The following COMT variants were observed in gnomAD, a reference collection of about 807,000 sequenced individuals.
COMT encodes catechol O-methyltransferase.
Under a neutral mutation model 18.9 loss-of-function variants are expected in COMT, and 13 were observed. The ratio of observed to expected loss-of-function variants is 0.69; its 90% CI spans 0.45 to 1.09. COMT has a LOEUF of 1.09. Ranked by LOEUF, COMT falls within the 50% of genes least tolerant of loss-of-function variation. COMT has a pLI of 0.00. For synonymous variants in COMT, 150 were observed against 160.9 expected (o/e 0.93, Z 0.51); for missense variants, 329 against 361.8 (o/e 0.91, Z 0.73).
At chr22:19,966,595 TACA>T (rs1053379844) in intron 5 of COMT, among the ~76,000 whole-genome samples, 31 of 147,612 alleles carry the variant, frequency 2.1e-4, no homozygotes, top group African/African-American at 8.3e-4. Context: ...CATGCACCAC[TACA>T]CCTGGCTAAT....
In COMT at chr22:19,960,701, C is replaced by T. The variant is rs1308923608; in HGVS notation, c.-91-498C>T. Among the ~76,000 whole-genome samples, 5 of 152,272 alleles carry T rather than the reference C, an allele frequency of 3.3e-5. No homozygotes were observed. In the East Asian group the frequency reaches 7.7e-4, roughly 23 times the overall value. ...CACTGAGCCCTGCACCGGGTTCCAT[C>T]ACCTGCTCGGGGCTCTGGCCTTTGG... On this transcript the variant is annotated intron_variant, in intron 1 of 5. Transcript: ENST00000361682.
chr22:19,952,595 C>T (rs1242101589), intron 1 of COMT, among the ~76,000 whole-genome samples: 1 of 151,298 alleles, frequency 6.6e-6, no homozygotes, highest in East Asian at 1.9e-4. Context: ...GCCGAGATTG[C>T]GCCACTGCAC....
intron 2 of COMT, 83 bp from the exon 3 acceptor site, chr22:19,962,444 A>ATGG: frequency 1.3e-6 from 2 of 1,539,336 alleles, no homozygotes; most frequent in Non-Finnish European, 1.7e-6. Context: ...CAAGGGGGCG[A>ATGG]TGGTGGCACT....
At position 19,941,880 on chromosome 22, in the gene COMT, C is replaced by A. The variant is rs1941736264; in HGVS notation, c.-109C>A. 1 of 1,365,300 alleles carries A rather than the reference C, an allele frequency of 7.3e-7. No homozygotes were observed. Among genetic ancestry groups the A allele is most frequent in the African/African-American group, 1.5e-5 (1 of 65,136 alleles). 84.6% of individuals were successfully genotyped at this position (1,365,300 alleles called of 1,614,324 possible). On this transcript the variant is annotated 5_prime_UTR_variant, in exon 1 of 6. Transcript: ENST00000361682. Reference sequence around the variant, plus strand: ...GGACCGGGGCGGGTCCAGTCCCGGGCGGGCCGTCGCGGGAGAGGTGAGAGC... The same window carrying A: ...GGACCGGGGCGGGTCCAGTCCCGGGAGGGCCGTCGCGGGAGAGGTGAGAGC...
chr22:19,942,957 G>T (rs1278091218), intron 1 of COMT, among the ~76,000 whole-genome samples: 1 of 152,232 alleles, frequency 6.6e-6, no homozygotes, highest in Admixed American at 6.5e-5. Flanking sequence ...GGAGACAGGG[G>T]CCCCATCCTC....
intron 1 of COMT, among the ~76,000 whole-genome samples, chr22:19,945,925 A>G (rs776853483): frequency 2.7e-4 from 41 of 152,214 alleles, no homozygotes; most frequent in Admixed American, 1.2e-3. Context: ...TCGGCCTCCC[A>G]AAGTACTGGG....
In COMT at chr22:19,962,673, G is replaced by A; in HGVS notation, c.147G>A (p.Leu49=). 6.2e-7 allele frequency: 1 copy of A among 1,613,188 alleles called. No homozygotes were observed. Among genetic ancestry groups the A allele is most frequent in the Non-Finnish European group, 8.5e-7 (1 of 1,179,864 alleles). The change falls in exon 3 of 6, where the codon CTG becomes CTA. Residue 49 remains leucine, a synonymous_variant. Transcript: ENST00000361682. ...TCATCCTGCAGCCCATCCACAACCT[G>A]CTCATGGGTGACACCAAGGAGCAGC... is the stretch of plus-strand genomic sequence containing the variant. ...NEFILQPIHN[L]LMGDTKEQRI...
In COMT at chr22:19,964,342, G is replaced by A. The variant is rs774500122; in HGVS notation, c.615+43G>A. 5 of 1,613,414 alleles carry A rather than the reference G, an allele frequency of 3.1e-6. No homozygotes were observed. In the South Asian group the frequency reaches 4.4e-5, roughly 14 times the overall value. The stretch of plus-strand genomic sequence containing the variant: ...TGGCATCCGTGCCAGCTGCTGCCCA[G>A]AGCCCATTCAGTCAGCCTCAGCCTC... On this transcript the variant is annotated intron_variant, in intron 5 of 5. Coordinates refer to ENST00000361682, the MANE Select transcript of COMT (RefSeq NM_000754.4).
intron 1 of COMT, among the ~76,000 whole-genome samples, chr22:19,942,513 A>T (rs1033152796): frequency 2.0e-5 from 3 of 152,030 alleles, no homozygotes; most frequent in African/African-American, 7.2e-5. Flanking sequence ...GGTGTGCAGG[A>T]CCACGTGGGA....
chr22:19,963,827 C>T (rs1942266104), intron 4 of COMT, 68 bp downstream of exon 4: 1 of 1,516,400 alleles, frequency 6.6e-7, no homozygotes, highest in South Asian at 1.2e-5. Context: ...GGCATGCGCA[C>T]TTTGTCCTCC....
intron 1 of COMT, among the ~76,000 whole-genome samples, chr22:19,949,676 C>T (rs1333239057): frequency 1.3e-5 from 2 of 152,060 alleles, no homozygotes; most frequent in Non-Finnish European, 2.9e-5. Context: ...GGACTCACTG[C>T]ACCCTTGAAC....
intron 1 of COMT, among the ~76,000 whole-genome samples, chr22:19,949,079 T>C (rs1439680591): frequency 6.6e-6 from 1 of 152,182 alleles, no homozygotes; most frequent in Non-Finnish European, 1.5e-5. Flanking sequence ...CAGACTTTCT[T>C]GAGGCCAGGA....
At chr22:19,959,384 G>C (rs1379354487) in intron 1 of COMT, among the ~76,000 whole-genome samples, 1 of 152,256 alleles carries the variant, frequency 6.6e-6, no homozygotes, top group African/African-American at 2.4e-5. Context: ...AGGTGGGCGT[G>C]ATCCCACCCT....
Position 19,941,884 on chromosome 22 carries a change from C to A in COMT, c.-105C>A. The stretch of plus-strand genomic sequence containing the variant: ...CGGGGCGGGTCCAGTCCCGGGCGGG[C>A]CGTCGCGGGAGAGGTGAGAGCGCTG... On this transcript the variant is annotated 5_prime_UTR_variant, in exon 1 of 6. Coordinates refer to ENST00000361682, the MANE Select transcript of COMT (RefSeq NM_000754.4). 7.3e-7 allele frequency: 1 copy of A among 1,364,970 alleles called. No individual in the cohort carries two copies. The highest frequency in any genetic ancestry group is 9.4e-7 in the Non-Finnish European group (1 of 1,060,888). The allele number at this position is 1,364,970 out of a possible 1,614,324, so 84.6% of individuals were successfully genotyped here.
intron 1 of COMT, among the ~76,000 whole-genome samples, chr22:19,947,421 G>A (rs1041225996): frequency 1.3e-5 from 2 of 152,132 alleles, no homozygotes; most frequent in African/African-American, 4.8e-5. Flanking sequence ...CGAATGCCAG[G>A]CTGCGCTGTT....
At chr22:19,966,320 G>A (rs1381159276) in intron 5 of COMT, among the ~76,000 whole-genome samples, 1 of 151,978 alleles carries the variant, frequency 6.6e-6, no homozygotes, top group East Asian at 1.9e-4. Context: ...GGGGTGAGGG[G>A]CTCAGGAGCA....
chr22:19,969,875 T>G lies in COMT; in HGVS notation c.*1139T>G, dbSNP rs1275180736. Reference sequence around the variant, plus strand: ...AGAAGCCAGCCACTTGTGCCAGACCTGAGTGGCAGAAAGCAAAAAGTTCCT... The same window carrying G: ...AGAAGCCAGCCACTTGTGCCAGACCGGAGTGGCAGAAAGCAAAAAGTTCCT... On this transcript the variant is annotated 3_prime_UTR_variant, in exon 6 of 6. Coordinates refer to ENST00000361682, the MANE Select transcript of COMT (RefSeq NM_000754.4). The G allele has an allele frequency of 2.2e-5, 22 of 985,340 alleles. No individual in the cohort carries two copies. The Admixed American group carries it at 1.3e-3, about 58-fold the overall frequency. The allele number at this position is 985,340 out of a possible 1,614,324, so 61.0% of individuals were successfully genotyped here.
chr22:19,967,252 A>T lies in COMT; in HGVS notation c.616-1284A>T, dbSNP rs764190673. ...CTCCTGAGTCCCCTGGCGCAACCCGAGAAGTCCAGGAGCCCAGGCCCCTCA... is the reference window on the plus strand; with the variant it reads ...CTCCTGAGTCCCCTGGCGCAACCCGTGAAGTCCAGGAGCCCAGGCCCCTCA... On this transcript the variant is annotated intron_variant, in intron 5 of 5. Coordinates refer to ENST00000361682, the MANE Select transcript of COMT (RefSeq NM_000754.4). 7 of 1,291,738 alleles carry T rather than the reference A, an allele frequency of 5.4e-6. No homozygotes were observed. In the South Asian group the frequency reaches 8.7e-5, roughly 16 times the overall value. The allele number at this position is 1,291,738 out of a possible 1,614,324, so 80.0% of individuals were successfully genotyped here.
intron 1 of COMT, among the ~76,000 whole-genome samples, chr22:19,945,228 A>G (rs1941816961): frequency 6.6e-6 from 1 of 152,196 alleles, no homozygotes; most frequent in Admixed American, 6.5e-5. Flanking sequence ...AAATATCCCA[A>G]GGTTCCTGGG....
Sources: allele counts gnomAD v4.1 joint callset (sites outside exome capture counted in the v4.1 genomes callset), GRCh38; gene constraint gnomAD v4.1.1; transcripts MANE v1.5; gene names NCBI Gene and HGNC (gene_info 2026-07-23, HGNC 2026-07-21).